ASIC2: variants seen among roughly 807,000 people sequenced by gnomAD.
ASIC2 encodes acid-sensing ion channel 2.
In ASIC2, 25 loss-of-function variants were observed where a neutral mutation model predicts 57.3. The ratio of observed to expected loss-of-function variants is 0.44; its 90% CI spans 0.32 to 0.61. ASIC2 has a LOEUF of 0.61. Ranked by LOEUF, ASIC2 falls within the 20% of genes least tolerant of loss-of-function variation. The pLI, the probability that ASIC2 is intolerant of heterozygous loss-of-function variation, is 0.06. For missense variants in ASIC2, 641 were observed against 738.1 expected (o/e 0.87, Z 1.52); for synonymous variants, 319 against 307.5 (o/e 1.04, Z -0.39).
chr17:33,425,304 GA>G (rs1291190114), intron 1 of ASIC2, among the ~76,000 whole-genome samples: 1 of 152,212 alleles, frequency 6.6e-6, no homozygotes, highest in African/African-American at 2.4e-5. Flanking sequence ...AAAGGAAACA[GA>G]AGAAGGAGAA....
chr17:33,498,630 C>T (rs528396869), intron 1 of ASIC2, among the ~76,000 whole-genome samples: 10 of 152,282 alleles, frequency 6.6e-5, no homozygotes, highest in Admixed American at 3.9e-4. Context: ...TCAAGGAGCC[C>T]TTGCTCTGGT....
At chr17:33,997,008 T>A (rs1371855868) in intron 1 of ASIC2, among the ~76,000 whole-genome samples, 1 of 152,238 alleles carries the variant, frequency 6.6e-6, no homozygotes, top group African/African-American at 2.4e-5. Flanking sequence ...TTTTCATTTA[T>A]TTGTGTCTTC....
chr17:33,292,238 G>T lies in ASIC2; in HGVS notation c.-123C>A. ...CGCGCGCAGCCCGCGCCAGGGAAGC[G>T]TGCGCCCGAAAGGAGCTCCGGTGGC... On this transcript the variant is annotated 5_prime_UTR_variant, in exon 1 of 10. Transcript: ENST00000225823. The T allele has an allele frequency of 3.0e-6, 3 of 997,418 alleles. No homozygotes were observed. Among genetic ancestry groups the T allele is most frequent in the Non-Finnish European group, 3.6e-6 (3 of 839,630 alleles). The allele number at this position is 997,418 out of a possible 1,614,324, so 61.8% of individuals were successfully genotyped here.
chr17:33,549,361 G>C (rs536024636), intron 1 of ASIC2, among the ~76,000 whole-genome samples: 4 of 152,278 alleles, frequency 2.6e-5, no homozygotes, highest in Non-Finnish European at 5.9e-5. Flanking sequence ...TGATCTTTCA[G>C]AAAGCATTTG....
chr17:33,706,468 C>A (rs1038428741), intron 1 of ASIC2, among the ~76,000 whole-genome samples: 38 of 151,910 alleles, frequency 2.5e-4, no homozygotes, highest in Non-Finnish European at 4.1e-4. Context: ...AAGCAATCCA[C>A]CCACCTTCAC....
At chr17:33,207,892 A>C (rs1417588123) in intron 1 of ASIC2, among the ~76,000 whole-genome samples, 1 of 152,212 alleles carries the variant, frequency 6.6e-6, no homozygotes, top group African/African-American at 2.4e-5. Context: ...CATGGTGCCA[A>C]CTTGATTAAT....
chr17:33,232,041 G>T (rs1046843802), intron 1 of ASIC2, among the ~76,000 whole-genome samples: 4 of 152,180 alleles, frequency 2.6e-5, no homozygotes, highest in Non-Finnish European at 5.9e-5. Context: ...ACCTTGGGAT[G>T]AACTGAATGT....
intron 1 of ASIC2, among the ~76,000 whole-genome samples, chr17:33,486,558 G>T (rs958639218): frequency 1.3e-5 from 2 of 152,212 alleles, no homozygotes; most frequent in African/African-American, 4.8e-5. Context: ...ATCAGTGCTT[G>T]TTGGGGATTC....
chr17:33,223,178 CT>C (rs1487672969), intron 1 of ASIC2, among the ~76,000 whole-genome samples: 2 of 151,492 alleles, frequency 1.3e-5, no homozygotes, highest in African/African-American at 4.9e-5. Flanking sequence ...TTCTTTCTTT[CT>C]TTTCTTTTTC....
At chr17:33,794,215 G>C (rs1046223976) in intron 1 of ASIC2, 1 of 152,222 alleles carries the variant, frequency 6.6e-6, no homozygotes, top group East Asian at 1.9e-4. Flanking sequence ...TGGTTTCTTG[G>C]GCCCTAAATT....
chr17:34,039,510 C>T lies in ASIC2; in HGVS notation c.555+116468G>A, dbSNP rs567078320. Reference sequence around the variant, plus strand: ...CATAGAGGGGCTGTTCTACTCGTCGCGGTAAGGGATTGGATAAGGAATGTT... The same window carrying T: ...CATAGAGGGGCTGTTCTACTCGTCGTGGTAAGGGATTGGATAAGGAATGTT... On this transcript the variant is annotated intron_variant, in intron 1 of 9. Transcript: ENST00000359872. 494 of 1,613,778 alleles carry T rather than the reference C, an allele frequency of 3.1e-4. 4 individuals are homozygous for T. In the South Asian group the frequency reaches 3.9e-3, roughly 13 times the overall value.
chr17:33,212,556 T>C (rs1191054453), intron 1 of ASIC2, among the ~76,000 whole-genome samples: 1 of 152,150 alleles, frequency 6.6e-6, no homozygotes, highest in Non-Finnish European at 1.5e-5. Context: ...TTTAAGCCAC[T>C]AAACTCGTGA....
At chr17:33,927,973 T>C (rs578001257) in intron 1 of ASIC2, among the ~76,000 whole-genome samples, 8 of 152,316 alleles carry the variant, frequency 5.3e-5, no homozygotes, top group Admixed American at 4.6e-4. Flanking sequence ...ATAATATTTG[T>C]CCGCTAATTT....
chr17:34,055,043 T>C (rs550098437), intron 1 of ASIC2, among the ~76,000 whole-genome samples: 4 of 152,294 alleles, frequency 2.6e-5, no homozygotes, highest in African/African-American at 9.6e-5. Flanking sequence ...CATACTTAGC[T>C]ACCTCTCAGA....
chr17:33,929,545 G>A (rs557112206), intron 1 of ASIC2, among the ~76,000 whole-genome samples: 2 of 152,278 alleles, frequency 1.3e-5, no homozygotes, highest in African/African-American at 4.8e-5. Context: ...CCCCACTTAC[G>A]CAAACGCAAC....
chr17:34,147,522 G>A (rs1194909857), intron 1 of ASIC2, among the ~76,000 whole-genome samples: 7 of 152,190 alleles, frequency 4.6e-5, no homozygotes, highest in Non-Finnish European at 1.0e-4. Flanking sequence ...GCTTTTATCA[G>A]AGAATTTCAA....
intron 1 of ASIC2, among the ~76,000 whole-genome samples, chr17:33,706,536 T>C (rs969396000): frequency 6.6e-6 from 1 of 152,160 alleles, no homozygotes; most frequent in Non-Finnish European, 1.5e-5. Context: ...TAGTCATATT[T>C]TTGTGTCATT....
intron 1 of ASIC2, among the ~76,000 whole-genome samples, chr17:33,424,153 C>G (rs1911137224): frequency 6.6e-6 from 1 of 152,142 alleles, no homozygotes; most frequent in Admixed American, 6.5e-5. Context: ...AGAGCAGGGC[C>G]CTGAGAGTCT....
intron 1 of ASIC2, among the ~76,000 whole-genome samples, chr17:33,190,641 A>T (rs1261555527): frequency 6.6e-6 from 1 of 152,206 alleles, no homozygotes; most frequent in Non-Finnish European, 1.5e-5. Context: ...TGTAAACTAT[A>T]ATAACCAAGA....
Sources: allele counts gnomAD v4.1 joint callset (sites outside exome capture counted in the v4.1 genomes callset), GRCh38; gene constraint gnomAD v4.1.1; transcripts MANE v1.5; gene names NCBI Gene and HGNC (gene_info 2026-07-23, HGNC 2026-07-21).